The following GNAQ variants were observed in gnomAD, a reference collection of about 807,000 sequenced individuals.
GNAQ encodes the protein G protein subunit alpha q, also known as guanine nucleotide-binding protein G(q) subunit alpha.
A neutral mutation model predicts 43.9 loss-of-function variants in GNAQ; 8 were observed. The ratio of observed to expected loss-of-function variants is 0.18; its 90% confidence interval spans 0.11 to 0.33. The LOEUF is 0.33. Among genes scored for constraint, GNAQ ranks in the 10% least tolerant of loss-of-function variants. The pLI is 1.00. For synonymous variants in GNAQ, 155 were observed against 170.7 expected, an observed-to-expected ratio of 0.91 and a Z score of 0.71; for missense variants, 158 against 450.8, an observed-to-expected ratio of 0.35 and a Z score of 5.88.
chr9:77,989,730 T>C (rs1190010569), intron 1 of GNAQ, among the ~76,000 whole-genome samples: 1 of 152,208 alleles, frequency 6.6e-6, no homozygotes, highest in East Asian at 1.9e-4. Flanking sequence ...AGGAATGCAT[T>C]TTCTTCTTGC....
At chr9:77,863,235 G>GAAGA (rs1827889618) in intron 2 of GNAQ, among the ~76,000 whole-genome samples, 2 of 151,990 alleles carry the variant, frequency 1.3e-5, no homozygotes, top group East Asian at 1.9e-4. Context: ...AGGAAGAAAG[G>GAAGA]AAGGAAGGAA....
At chr9:77,978,636 C>A (rs1183092923) in intron 1 of GNAQ, among the ~76,000 whole-genome samples, 2 of 152,230 alleles carry the variant, frequency 1.3e-5, no homozygotes, top group African/African-American at 2.4e-5. Context: ...ACAAAACCAA[C>A]AGCAATGCTC....
intron 2 of GNAQ, among the ~76,000 whole-genome samples, chr9:77,891,584 T>C (rs1466643645): frequency 1.3e-5 from 2 of 152,234 alleles, no homozygotes; most frequent in African/African-American, 2.4e-5. Context: ...TAGGACTTCC[T>C]CAACACCCCA....
chr9:77,978,222 C>T (rs1269185500), intron 1 of GNAQ, among the ~76,000 whole-genome samples: 2 of 152,204 alleles, frequency 1.3e-5, no homozygotes, highest in Non-Finnish European at 1.5e-5. Flanking sequence ...GATGTGTCAA[C>T]TTCAGACAGA....
chr9:77,789,777 T>TA (rs1826538812), intron 5 of GNAQ, among the ~76,000 whole-genome samples: 1 of 152,210 alleles, frequency 6.6e-6, no homozygotes, highest in Admixed American at 6.5e-5. Context: ...GTAAATTCTT[T>TA]AAAACCTTTC....
chr9:77,823,326 T>G (rs1827145018), intron 2 of GNAQ, among the ~76,000 whole-genome samples: 1 of 152,078 alleles, frequency 6.6e-6, no homozygotes, highest in Non-Finnish European at 1.5e-5. Context: ...ATTTGTCACT[T>G]TAAATAAAGA....
intron 5 of GNAQ, among the ~76,000 whole-genome samples, chr9:77,740,023 T>G (rs2118255527): frequency 6.6e-6 from 1 of 152,308 alleles, no homozygotes; most frequent in South Asian, 2.1e-4. Flanking sequence ...TCTCAGTGTG[T>G]TAGGCCAGGA....
At chr9:77,819,002 C>CAAAAAA (rs10547681) in intron 2 of GNAQ, among the ~76,000 whole-genome samples, 9 of 45,290 alleles carry the variant, frequency 2.0e-4, no homozygotes, top group African/African-American at 9.6e-4. Context: ...ACCATCTCTC[C>CAAAAAA]AAAAAAAAAA....
At chr9:77,851,259 A>AT (rs932108715) in intron 2 of GNAQ, among the ~76,000 whole-genome samples, 5 of 152,036 alleles carry the variant, frequency 3.3e-5, no homozygotes, top group African/African-American at 9.7e-5. Flanking sequence ...TGAAAACCCC[A>AT]TTTTTTCCCC....
intron 5 of GNAQ, among the ~76,000 whole-genome samples, chr9:77,782,933 A>T (rs1826417565): frequency 6.6e-6 from 1 of 152,264 alleles, no homozygotes; most frequent in Non-Finnish European, 1.5e-5. Context: ...CTGGCATTCT[A>T]GAAAAGGGAA....
chr9:77,809,629 T>C (rs1165472362), intron 3 of GNAQ, among the ~76,000 whole-genome samples: 2 of 152,198 alleles, frequency 1.3e-5, no homozygotes, highest in African/African-American at 2.4e-5. Flanking sequence ...TTAAATAGAA[T>C]TGGAAGAATT....
chr9:77,760,631 C>T (rs1425574738), intron 5 of GNAQ, among the ~76,000 whole-genome samples: 1 of 152,160 alleles, frequency 6.6e-6, no homozygotes, highest in African/African-American at 2.4e-5. Flanking sequence ...GCCGCCACCC[C>T]GTCTAGGAAG....
At chr9:77,904,317 CTTTTTTTTTTTTTTTTTTT>C (rs554783626) in intron 2 of GNAQ, among the ~76,000 whole-genome samples, 1 of 77,406 alleles carries the variant, frequency 1.3e-5, no homozygotes, top group East Asian at 5.8e-4. Context: ...TTCACACCGG[CTTTTTTTTTTTTTTTTTTT>C]TTTTTTTTTT....
At chr9:77,865,385 C>T (rs1441819906) in intron 2 of GNAQ, among the ~76,000 whole-genome samples, 2 of 152,226 alleles carry the variant, frequency 1.3e-5, no homozygotes, top group Non-Finnish European at 2.9e-5. Context: ...AGTAAGAAAG[C>T]TATCTGTATC....
At position 78,031,364 on chromosome 9, in the gene GNAQ, G is replaced by A; in HGVS notation, c.-129C>T. The A allele has an allele frequency of 1.6e-6, 1 of 635,030 alleles. No homozygotes were observed. The highest frequency in any genetic ancestry group is 2.2e-6 in the Non-Finnish European group (1 of 458,822). The allele number at this position is 635,030 out of a possible 1,614,324, so 39.3% of individuals were successfully genotyped here. A position where few individuals can be genotyped will look rare whatever the true frequency, so the allele number is the denominator to read the frequency against. The stretch of plus-strand genomic sequence containing the variant: ...CCCCCGCCGCCCGGGCGCGCGTCCG[G>A]GACGAGCTCCGGGAACCGCCGCGGG... On this transcript the variant is annotated 5_prime_UTR_variant, in exon 1 of 7. Coordinates refer to ENST00000286548, the MANE Select transcript of GNAQ (RefSeq NM_002072.5).
intron 1 of GNAQ, among the ~76,000 whole-genome samples, chr9:77,952,480 T>C (rs1326386288): frequency 1.3e-5 from 2 of 152,206 alleles, no homozygotes; most frequent in East Asian, 1.9e-4. Flanking sequence ...TAAATAAGTA[T>C]GTTAGCAGTA....
intron 1 of GNAQ, among the ~76,000 whole-genome samples, chr9:77,966,551 A>G (rs1823169777): frequency 6.6e-6 from 1 of 152,164 alleles, no homozygotes; most frequent in Admixed American, 6.5e-5. Context: ...CTGGCTTTCT[A>G]CAGCAATGCC....
intron 2 of GNAQ, among the ~76,000 whole-genome samples, chr9:77,888,058 C>T (rs1328056442): frequency 6.6e-6 from 1 of 152,198 alleles, no homozygotes; most frequent in African/African-American, 2.4e-5. Flanking sequence ...GCCTTTACTG[C>T]TCACATTCTC....
chr9:77,720,739 T>C lies in GNAQ; in HGVS notation c.*584A>G, dbSNP rs1324751666. 1.7e-5 allele frequency: 4 copies of C among 233,408 alleles called. No homozygotes were observed. Among genetic ancestry groups the C allele is most frequent in the African/African-American group, 8.8e-5 (4 of 45,336 alleles). The allele number at this position is 233,408 out of a possible 1,614,324, so 14.5% of individuals were successfully genotyped here. ...ATATTCTATTAAAAAAGAAACTATG[T>C]GTGTATCCAAAGCAACACATTTAAA... On this transcript the variant is annotated 3_prime_UTR_variant, in exon 7 of 7. Coordinates refer to ENST00000286548, the MANE Select transcript of GNAQ (RefSeq NM_002072.5).
Sources: allele counts gnomAD v4.1 joint callset (sites outside exome capture counted in the v4.1 genomes callset), GRCh38; gene constraint gnomAD v4.1.1; transcripts MANE v1.5; gene names NCBI Gene and HGNC (gene_info 2026-07-23, HGNC 2026-07-21).